Variants in LARP4 observed in about 807,000 individuals in gnomAD.
LARP4 encodes the protein La ribonucleoprotein 4, also known as la-related protein 4.
In LARP4, 29 loss-of-function variants were observed where a neutral mutation model predicts 92.9. That is an observed-to-expected ratio of 0.31 (90% confidence interval 0.23 to 0.43). The LOEUF (loss-of-function observed/expected upper bound fraction) is 0.43. LARP4 is among the 20% of genes least tolerant of loss of function. The pLI is 1.00. For synonymous variants in LARP4, 279 were observed against 284.1 expected, an observed-to-expected ratio of 0.98 and a Z score of 0.18; for missense variants, 732 against 860.0, an observed-to-expected ratio of 0.85 and a Z score of 1.86.
intron 1 of LARP4, among the ~76,000 whole-genome samples, chr12:50,415,117 C>G (rs928073410): frequency 1.2e-4 from 18 of 152,082 alleles, no homozygotes; most frequent in African/African-American, 3.9e-4. Flanking sequence ...GCAGGAGAAT[C>G]GCTTGAATCC....
intron 1 of LARP4, among the ~76,000 whole-genome samples, chr12:50,415,070 G>A (rs1216125094): frequency 6.6e-6 from 1 of 152,088 alleles, no homozygotes; most frequent in Non-Finnish European, 1.5e-5. Context: ...CAGCATGGTG[G>A]CGCACACCTG....
intron 14 of LARP4, 42 bp from the exon 15 acceptor site, chr12:50,473,957 A>G (rs769485054): frequency 4.5e-5 from 70 of 1,550,312 alleles, no homozygotes; most frequent in South Asian, 1.8e-4. Flanking sequence ...AACTGTTCCT[A>G]TATGCTATTC....
chr12:50,401,601 G>T (rs898955344), intron 1 of LARP4, among the ~76,000 whole-genome samples: 3 of 152,204 alleles, frequency 2.0e-5, no homozygotes, highest in Non-Finnish European at 4.4e-5. Flanking sequence ...TTTGAATCGA[G>T]GAGAAGCCAG....
intron 13 of LARP4, 150 bp from the exon 14 acceptor site, chr12:50,473,265 T>C (rs995639341): frequency 1.7e-6 from 1 of 581,976 alleles, no homozygotes; most frequent in Non-Finnish European, 3.1e-6. Flanking sequence ...TAACCATCCT[T>C]GTGGGTATGA....
chr12:50,401,238 A>C, intron 1 of LARP4: 2 of 635,360 alleles, frequency 3.1e-6, no homozygotes, highest in Non-Finnish European at 5.6e-6. Context: ...CCCGTAGTGG[A>C]GAAGAATTGA....
At chr12:50,454,221 A>G in intron 9 of LARP4, 93 bp from the exon 10 acceptor site, 1 of 863,166 alleles carries the variant, frequency 1.2e-6, no homozygotes, top group Non-Finnish European at 1.8e-6. Context: ...GGCTTGTAAA[A>G]GATAAATTCA....
At chr12:50,450,757 T>C (rs1174698385) in intron 8 of LARP4, among the ~76,000 whole-genome samples, 2 of 152,168 alleles carry the variant, frequency 1.3e-5, no homozygotes, top group East Asian at 3.9e-4. Context: ...TGTCTTGGCC[T>C]CCCAAAGTGC....
At chr12:50,438,611 T>C (rs752468065) in intron 6 of LARP4, among the ~76,000 whole-genome samples, 3 of 152,240 alleles carry the variant, frequency 2.0e-5, no homozygotes, top group Non-Finnish European at 2.9e-5. Context: ...AAATAATATT[T>C]GAATGATACA....
intron 1 of LARP4, among the ~76,000 whole-genome samples, chr12:50,401,792 A>T (rs1943899428): frequency 6.6e-6 from 1 of 152,222 alleles, no homozygotes; most frequent in Admixed American, 6.5e-5. Context: ...TTGAACAATG[A>T]GACACTTTTA....
chr12:50,401,521 A>G (rs189019133), intron 1 of LARP4, among the ~76,000 whole-genome samples: 7 of 152,316 alleles, frequency 4.6e-5, no homozygotes, highest in African/African-American at 1.4e-4. Flanking sequence ...CTTTTGAGCA[A>G]CTTCCACCAA....
At chr12:50,469,565 C>G (rs1474995611) in intron 13 of LARP4, among the ~76,000 whole-genome samples, 1 of 133,604 alleles carries the variant, frequency 7.5e-6, no homozygotes, top group African/African-American at 2.8e-5. Context: ...GATTGCGCCA[C>G]TGCACTCCAG....
chr12:50,468,715 A>G (rs936118057), intron 13 of LARP4, among the ~76,000 whole-genome samples: 3 of 152,122 alleles, frequency 2.0e-5, no homozygotes, highest in African/African-American at 7.2e-5. Flanking sequence ...CACTTTTCCT[A>G]TCCTCCTGAT....
At chr12:50,446,225 C>G (rs1468296413) in intron 8 of LARP4, among the ~76,000 whole-genome samples, 2 of 148,882 alleles carry the variant, frequency 1.3e-5, no homozygotes, top group Non-Finnish European at 3.0e-5. Context: ...CCAGGATGGT[C>G]TCGATTTCCT....
intron 1 of LARP4, among the ~76,000 whole-genome samples, chr12:50,405,479 GAC>G (rs2136241742): frequency 6.6e-6 from 1 of 150,982 alleles, no homozygotes; most frequent in South Asian, 2.1e-4. Flanking sequence ...AATTTTTTGA[GAC>G]ACAGTCTCGT....
chr12:50,426,684 G>GGTGTGTGTGTGTGTGTGT (rs762987529), intron 1 of LARP4, among the ~76,000 whole-genome samples: 80 of 86,170 alleles, frequency 9.3e-4, no homozygotes, highest in Non-Finnish European at 1.1e-3. Flanking sequence ...TTATGTTTGG[G>GGTGTGTGTGTGTGTGTGT]GTGTGTGTGT....
At chr12:50,467,749 A>G (rs1001598547) in intron 13 of LARP4, among the ~76,000 whole-genome samples, 2 of 152,232 alleles carry the variant, frequency 1.3e-5, no homozygotes, top group African/African-American at 4.8e-5. Flanking sequence ...GTAGATGTCT[A>G]GAGGCTGAGA....
intron 1 of LARP4, among the ~76,000 whole-genome samples, chr12:50,404,909 C>T (rs765520651): frequency 5.9e-5 from 9 of 151,906 alleles, no homozygotes; most frequent in Admixed American, 6.6e-5. Flanking sequence ...AGGATGGTCT[C>T]GGTCTCTTGA....
chr12:50,477,838 A>C lies in LARP4; in HGVS notation c.*1974A>C, dbSNP rs1050913872. 1.3e-5 allele frequency: 2 copies of C among 152,520 alleles called. No homozygotes were observed. The highest frequency in any genetic ancestry group is 4.8e-5 in the African/African-American group (2 of 41,444). The allele number at this position is 152,520 out of a possible 1,614,324, so 9.4% of individuals were successfully genotyped here. A position where few individuals can be genotyped will look rare whatever the true frequency, so the allele number is the denominator to read the frequency against. On this transcript the variant is annotated 3_prime_UTR_variant, in exon 16 of 16. Transcript: ENST00000398473. ...TTTAGGTCCTTTAAAAAAACATATT[A>C]ATCATTGACTACATCTATGATAAAA... is the stretch of plus-strand genomic sequence containing the variant.
At chr12:50,471,231 T>G (rs1956891854) in intron 13 of LARP4, among the ~76,000 whole-genome samples, 1 of 152,196 alleles carries the variant, frequency 6.6e-6, no homozygotes, top group Non-Finnish European at 1.5e-5. Flanking sequence ...CGGGTCTTAG[T>G]TTACCAACCC....
Sources: gnomAD v4.1 joint callset for allele counts (sites outside exome capture counted in the v4.1 genomes callset) on GRCh38, gnomAD v4.1.1 for gene constraint, MANE v1.5 for transcripts, NCBI Gene and HGNC (gene_info 2026-07-23, HGNC 2026-07-21) for gene names.